The following PIGB variants were observed in gnomAD, a reference collection of about 807,000 sequenced individuals.
PIGB encodes the protein phosphatidylinositol glycan anchor biosynthesis class B.
A neutral mutation model predicts 68.4 loss-of-function variants in PIGB; 58 were observed. That is an observed-to-expected ratio of 0.85 (90% CI 0.69 to 1.06). PIGB has a LOEUF of 1.06. PIGB is among the 50% of genes least tolerant of loss of function. PIGB has a pLI of 0.00. For synonymous variants in PIGB, 219 were observed against 220.5 expected (o/e 0.99, Z 0.06); for missense variants, 634 against 655.8 (o/e 0.97, Z 0.36).
intron 5 of PIGB, 127 bp from the exon 6 acceptor site, chr15:55,333,738 AAC>A: frequency 1.6e-6 from 1 of 626,110 alleles, no homozygotes; most frequent in Non-Finnish European, 2.5e-6. Context: ...TCTCAAACAA[AAC>A]AAAACAAAAC....
At position 55,338,016 on chromosome 15, in the gene PIGB, G is replaced by A. The variant is rs898488489; in HGVS notation, c.795-1251G>A. ...GTGGTTACCTTTGGGAAGAGGAAGG[G>A]TTACCTTTGGGTTACTTTTGGGGAG... On this transcript the variant is annotated intron_variant, in intron 6 of 11. Coordinates refer to ENST00000164305, the MANE Select transcript of PIGB (RefSeq NM_004855.5). Among the ~76,000 whole-genome samples the A allele has an allele frequency of 3.9e-5, 6 of 152,300 alleles. No homozygotes were observed. The East Asian group carries it at 1.2e-3, about 29-fold the overall frequency.
intron 8 of PIGB, among the ~76,000 whole-genome samples, chr15:55,341,534 T>C (rs2055670480): frequency 6.6e-6 from 1 of 152,212 alleles, no homozygotes; most frequent in African/African-American, 2.4e-5. Context: ...CAAATTGACA[T>C]CATATTTTAT....
rs1418133634 is a variant in PIGB, at chr15:55,340,536, G to A, written c.847-76G>A. On this transcript the variant is annotated intron_variant, in intron 7 of 11. Coordinates refer to ENST00000164305, the MANE Select transcript of PIGB (RefSeq NM_004855.5). ...TCAATTCTGATTTAATGTCAAAATT[G>A]TATCAATCCCCTAATGCCAAAGATT... 7.3e-6 allele frequency: 6 copies of A among 823,820 alleles called. No homozygotes were observed. The African/African-American group carries it at 1.1e-4, about 15-fold the overall frequency. The allele number at this position is 823,820 out of a possible 1,614,324, so 51.0% of individuals were successfully genotyped here.
At chr15:55,345,079 T>G (rs528451183) in intron 9 of PIGB, among the ~76,000 whole-genome samples, 37 of 151,558 alleles carry the variant, frequency 2.4e-4, no homozygotes, top group Non-Finnish European at 4.6e-4. Context: ...TATTTTTAGT[T>G]GGGGCTTGAC....
In PIGB at chr15:55,354,811, C is replaced by T. The variant is rs777721813; in HGVS notation, c.1351C>T (p.Pro451Ser). The change falls in exon 11 of 12, where the codon CCA (proline) becomes TCA (serine). Residue 451 changes from proline to serine, a missense_variant. Physicochemically the swap from Pro to Ser is moderately conservative, Grantham distance 74. Transcript: ENST00000164305. ...STPYYSHVHC[P>S]LPMRFLQCPP... ...TTCTTTTCATAGCCATGTTCACTGC[C>T]CACTTCCCATGAGATTTCTCCAGTG... The T allele has an allele frequency of 1.2e-6, 2 of 1,608,180 alleles. No homozygotes were observed. Among genetic ancestry groups the T allele is most frequent in the South Asian group, 1.1e-5 (1 of 89,298 alleles).
chr15:55,320,413 A>G lies in PIGB; in HGVS notation c.299+3A>G. The G allele has an allele frequency of 1.9e-6, 3 of 1,612,392 alleles. No homozygotes were observed. The highest frequency in any genetic ancestry group is 2.5e-6 in the Non-Finnish European group (3 of 1,179,420). On this transcript the variant is annotated splice_donor_region_variant and intron_variant, in intron 2 of 11. Transcript: ENST00000164305. ...GTTTCACATCACATGGTTTTCAAATATCCTTTGTGGTTTCTTTTCCAGACT... is the reference window on the plus strand; with the variant it reads ...GTTTCACATCACATGGTTTTCAAATGTCCTTTGTGGTTTCTTTTCCAGACT...
At chr15:55,339,192 G>C (rs749136986) in intron 6 of PIGB, 75 bp from the exon 7 acceptor site, 1 of 1,004,256 alleles carries the variant, frequency 1.0e-6, no homozygotes, top group African/African-American at 1.6e-5. Flanking sequence ...TGCAAGGCAC[G>C]TACAAAGCCA....
chr15:55,340,657 AAC>A lies in PIGB; in HGVS notation c.893_894del (p.Asn298MetfsTer55). On this transcript the variant is annotated frameshift_variant, in exon 8 of 12. Transcript: ENST00000164305. LOFTEE classifies it high-confidence loss of function. ...FNFLKFNVLQ[N>X]WGTFYGSHPW... The stretch of plus-strand genomic sequence containing the variant: ...TTTTTTGAAATTTAACGTGCTGCAG[AAC>A]TGGGGAACATTTTATGGTTCTCATC... 2 of 1,613,022 alleles carry A rather than the reference AAC, an allele frequency of 1.2e-6. No homozygotes were observed. Among genetic ancestry groups the A allele is most frequent in the Non-Finnish European group, 1.7e-6 (2 of 1,179,520 alleles).
rs1448514499 is a variant in PIGB, at chr15:55,327,284, A to G, written c.418-247A>G. On this transcript the variant is annotated intron_variant, in intron 3 of 11. Coordinates refer to ENST00000164305, the MANE Select transcript of PIGB (RefSeq NM_004855.5). ...ATATGTGTATATATGTCATATATAC[A>G]CACACATACAGAGAATGAGACTGGT... is the stretch of plus-strand genomic sequence containing the variant. Among the ~76,000 whole-genome samples the G allele has an allele frequency of 2.7e-5, 4 of 149,528 alleles. No individual in the cohort carries two copies. In the East Asian group the frequency reaches 7.7e-4, roughly 29 times the overall value.
At chr15:55,322,511 A>G (rs1249802256) in intron 3 of PIGB, among the ~76,000 whole-genome samples, 1 of 152,132 alleles carries the variant, frequency 6.6e-6, no homozygotes, top group Admixed American at 6.6e-5. Context: ...TTAAGCTGTC[A>G]TCAGATGAGA....
chr15:55,321,417 G>A, intron 3 of PIGB, 27 bp downstream of exon 3: 3 of 1,546,602 alleles, frequency 1.9e-6, no homozygotes, highest in Non-Finnish European at 2.6e-6. Flanking sequence ...GTAACTAAAT[G>A]ATATTGGGGC....
chr15:55,350,816 T>G lies in PIGB; in HGVS notation c.1241T>G (p.Val414Gly). The change falls in exon 10 of 12, where the codon GTC becomes GGC. Residue 414 changes from valine to glycine, a missense_variant. Transcript: ENST00000164305. Reference sequence around the variant, plus strand: ...GTTCATCAACGAGGTACTCTTGATGTCATGAGTCATATTCAAAAAGTTTGT... The same window carrying G: ...GTTCATCAACGAGGTACTCTTGATGGCATGAGTCATATTCAAAAAGTTTGT... ...GLVHQRGTLD[V>G]MSHIQKVCYN... is the part of the protein sequence containing the mutation. 1 of 1,607,932 alleles carries G rather than the reference T, an allele frequency of 6.2e-7. No homozygotes were observed. Among genetic ancestry groups the G allele is most frequent in the South Asian group, 1.1e-5 (1 of 90,932 alleles).
intron 5 of PIGB, among the ~76,000 whole-genome samples, chr15:55,331,484 C>A (rs575461454): frequency 6.6e-6 from 1 of 152,032 alleles, no homozygotes. Context: ...GAGGCCGAGA[C>A]GGGTGGATCA....
chr15:55,322,996 T>G (rs1187098469), intron 3 of PIGB, among the ~76,000 whole-genome samples: 3 of 152,256 alleles, frequency 2.0e-5, no homozygotes, highest in Middle Eastern at 3.4e-3. Context: ...CCAAGACCTA[T>G]CCACTGCCCT....
intron 3 of PIGB, among the ~76,000 whole-genome samples, chr15:55,325,223 G>A (rs1237125064): frequency 6.6e-6 from 1 of 152,142 alleles, no homozygotes; most frequent in Non-Finnish European, 1.5e-5. Flanking sequence ...CTACTTGGGA[G>A]GCTAAGGCAG....
chr15:55,344,377 G>A (rs552393236), intron 9 of PIGB, among the ~76,000 whole-genome samples: 25 of 152,332 alleles, frequency 1.6e-4, no homozygotes, highest in Non-Finnish European at 2.2e-4. Flanking sequence ...GGCATAGGCC[G>A]GGTTCCAAGA....
intron 3 of PIGB, 81 bp downstream of exon 3, chr15:55,321,471 C>T (rs1253061007): frequency 2.5e-6 from 3 of 1,191,344 alleles, no homozygotes; most frequent in Non-Finnish European, 3.5e-6. Flanking sequence ...GAAGTCCAGC[C>T]ATATCTGGGA....
chr15:55,350,679 A>C lies in PIGB; in HGVS notation c.1124-20A>C, dbSNP rs376114717. 3.4e-6 allele frequency: 5 copies of C among 1,492,284 alleles called. No individual in the cohort carries two copies. Among genetic ancestry groups the C allele is most frequent in the Non-Finnish European group, 4.7e-6 (5 of 1,074,914 alleles). The allele number at this position is 1,492,284 out of a possible 1,614,324, so 92.4% of individuals were successfully genotyped here. ...AAAAGATTGTCAGTGTTAAGGTTCA[A>C]TATGTCTATCTTCATATAGGATACT... On this transcript the variant is annotated intron_variant, in intron 9 of 11. Transcript: ENST00000164305.
Position 55,329,867 on chromosome 15 carries a change from ATTG to A in PIGB, c.653+16_653+18del, listed in dbSNP as rs2055374840. On this transcript the variant is annotated intron_variant, in intron 5 of 11. Transcript: ENST00000164305. ...AGTCTATGAACAGGTAAGAAAAATT[ATTG>A]TTAATAATTATGTTCAAAATTCTAC... The A allele has an allele frequency of 6.5e-7, 1 of 1,526,992 alleles. No individual in the cohort carries two copies. Among genetic ancestry groups the A allele is most frequent in the Non-Finnish European group, 9.0e-7 (1 of 1,112,796 alleles). 94.6% of individuals were successfully genotyped at this position (1,526,992 alleles called of 1,614,324 possible).
Sources: allele counts gnomAD v4.1 joint callset (sites outside exome capture counted in the v4.1 genomes callset), GRCh38; gene constraint gnomAD v4.1.1; transcripts MANE v1.5; gene names NCBI Gene and HGNC (gene_info 2026-07-23, HGNC 2026-07-21).